GRID2: variants seen among roughly 807,000 people sequenced by gnomAD.
GRID2 encodes glutamate ionotropic receptor delta type subunit 2, also known as glutamate receptor ionotropic, delta-2.
In GRID2, 33 loss-of-function variants were observed where a neutral mutation model predicts 114.8. That is an observed-to-expected ratio of 0.29 (90% confidence interval 0.22 to 0.38). GRID2 has a LOEUF of 0.38. Ranked by LOEUF, GRID2 falls within the 10% of genes least tolerant of loss-of-function variation. The pLI, the probability that GRID2 is intolerant of heterozygous loss-of-function variation, is 1.00. For missense variants in GRID2, 1,184 were observed against 1,257.7 expected, an observed-to-expected ratio of 0.94 and a Z score of 0.89; for synonymous variants, 505 against 449.9, an observed-to-expected ratio of 1.12 and a Z score of -1.55.
intron 1 of GRID2, among the ~76,000 whole-genome samples, chr4:92,559,688 C>A (rs1308956441): frequency 1.3e-5 from 2 of 152,106 alleles, no homozygotes; most frequent in Non-Finnish European, 2.9e-5. Context: ...TCAAATATCA[C>A]CACATAAGTT....
At chr4:93,750,833 G>C (rs1208630404) in intron 14 of GRID2, among the ~76,000 whole-genome samples, 4 of 152,124 alleles carry the variant, frequency 2.6e-5, no homozygotes, top group Non-Finnish European at 5.9e-5. Flanking sequence ...AGAAAGAGTG[G>C]TGTCACTTAA....
At chr4:93,182,914 T>C (rs2149437533) in intron 4 of GRID2, among the ~76,000 whole-genome samples, 1 of 152,312 alleles carries the variant, frequency 6.6e-6, no homozygotes, top group East Asian at 1.9e-4. Flanking sequence ...CCAGACCTAC[T>C]GAATCAGAAG....
intron 4 of GRID2, among the ~76,000 whole-genome samples, chr4:93,118,866 A>G (rs921055547): frequency 3.3e-5 from 5 of 152,216 alleles, no homozygotes; most frequent in African/African-American, 1.2e-4. Flanking sequence ...GGAATAGCAG[A>G]ACTTTCAACC....
intron 13 of GRID2, among the ~76,000 whole-genome samples, chr4:93,531,177 G>A (rs1731406905): frequency 6.6e-6 from 1 of 152,112 alleles, no homozygotes; most frequent in South Asian, 2.1e-4. Flanking sequence ...AGGAAAGACA[G>A]AGTAAGACGA....
At chr4:93,586,774 A>G (rs777895490) in intron 13 of GRID2, among the ~76,000 whole-genome samples, 1 of 152,094 alleles carries the variant, frequency 6.6e-6, no homozygotes, top group East Asian at 1.9e-4. Flanking sequence ...TAAGATCAGG[A>G]CACAAAGGCT....
intron 2 of GRID2, among the ~76,000 whole-genome samples, chr4:92,687,095 C>G (rs1733942074): frequency 6.6e-6 from 1 of 152,052 alleles, no homozygotes; most frequent in Non-Finnish European, 1.5e-5. Flanking sequence ...GCAAATCTTC[C>G]ATTTTCTGGA....
chr4:93,380,375 C>A (rs1342791895), intron 8 of GRID2, among the ~76,000 whole-genome samples: 2 of 151,526 alleles, frequency 1.3e-5, no homozygotes, highest in Admixed American at 6.6e-5. Context: ...ACTTTGATTT[C>A]ATATCTGTCC....
intron 10 of GRID2, among the ~76,000 whole-genome samples, chr4:93,426,415 A>G (rs1375535799): frequency 1.3e-5 from 2 of 152,128 alleles, no homozygotes; most frequent in African/African-American, 2.4e-5. Flanking sequence ...GCATTATACA[A>G]ATTTATTCTA....
chr4:93,625,642 G>T (rs1001257181), intron 13 of GRID2, among the ~76,000 whole-genome samples: 22 of 152,218 alleles, frequency 1.4e-4, no homozygotes, highest in African/African-American at 5.3e-4. Flanking sequence ...TGGGCCGGGC[G>T]CGGTGGCTCA....
At chr4:92,533,895 C>G (rs1429515472) in intron 1 of GRID2, among the ~76,000 whole-genome samples, 1 of 151,472 alleles carries the variant, frequency 6.6e-6, no homozygotes, top group Non-Finnish European at 1.5e-5. Context: ...GCTGTAGATT[C>G]TATAGATTTA....
At chr4:92,599,028 C>CTTTTTTTTT (rs79836874) in intron 2 of GRID2, among the ~76,000 whole-genome samples, 6 of 115,272 alleles carry the variant, frequency 5.2e-5, no homozygotes, top group African/African-American at 1.0e-4. Context: ...AATGCTTTTC[C>CTTTTTTTTT]TTTTTTTTTT....
intron 2 of GRID2, among the ~76,000 whole-genome samples, chr4:92,735,741 C>CT (rs550436853): frequency 5.9e-5 from 9 of 151,710 alleles, no homozygotes; most frequent in Non-Finnish European, 1.0e-4. Flanking sequence ...TCACTAGCTT[C>CT]TTTTTTTTAT....
chr4:93,770,719 A>G (rs1362236585), intron 15 of GRID2, among the ~76,000 whole-genome samples: 1 of 152,202 alleles, frequency 6.6e-6, no homozygotes, highest in African/African-American at 2.4e-5. Flanking sequence ...CATTAATGCA[A>G]CATTATAGCT....
At chr4:93,788,743 C>T (rs1734641165) in intron 1 of GRID2, among the ~76,000 whole-genome samples, 1 of 152,122 alleles carries the variant, frequency 6.6e-6, no homozygotes, top group South Asian at 2.1e-4. Flanking sequence ...CACAACTTAA[C>T]CTGTCAAAAA....
chr4:93,792,729 A>G (rs1048124879), intron 1 of GRID2, among the ~76,000 whole-genome samples: 2 of 152,232 alleles, frequency 1.3e-5, no homozygotes, highest in Non-Finnish European at 2.9e-5. Flanking sequence ...AAGAAAGAGA[A>G]CACATCAGAA....
intron 1 of GRID2, among the ~76,000 whole-genome samples, chr4:92,357,246 T>C (rs2110194499): frequency 6.6e-6 from 1 of 152,032 alleles, no homozygotes; most frequent in Admixed American, 6.6e-5. Context: ...GCTGCAATTT[T>C]AATTCTAGAC....
chr4:92,842,919 G>A (rs988544955), intron 2 of GRID2, among the ~76,000 whole-genome samples: 2 of 152,048 alleles, frequency 1.3e-5, no homozygotes, highest in Non-Finnish European at 2.9e-5. Flanking sequence ...TAGAAAAGAT[G>A]AGGCTGTAGA....
chr4:93,644,917 A>T (rs1416748216), intron 14 of GRID2, among the ~76,000 whole-genome samples: 2 of 152,194 alleles, frequency 1.3e-5, no homozygotes, highest in Non-Finnish European at 2.9e-5. Context: ...AATTGACTAG[A>T]CGAGAGAGTA....
At chr4:92,396,829 T>C (rs963282314) in intron 1 of GRID2, among the ~76,000 whole-genome samples, 29 of 152,188 alleles carry the variant, frequency 1.9e-4, no homozygotes, top group African/African-American at 7.0e-4. Flanking sequence ...GAATTCTAAA[T>C]AAGAAATTCC....
Sources: allele counts gnomAD v4.1 joint callset (sites outside exome capture counted in the v4.1 genomes callset), GRCh38; gene constraint gnomAD v4.1.1; transcripts MANE v1.5; gene names NCBI Gene and HGNC (gene_info 2026-07-23, HGNC 2026-07-21).